SUMF1: variants seen among roughly 807,000 people sequenced by gnomAD.
SUMF1 encodes formylglycine-generating enzyme.
A neutral mutation model predicts 47.6 loss-of-function variants in SUMF1; 48 were observed. The observed-to-expected ratio is 1.01, with a 90% CI of 0.80 to 1.28. The LOEUF (loss-of-function observed/expected upper bound fraction) is 1.28. Among genes scored for constraint, SUMF1 ranks in the 50% most tolerant of loss-of-function variants. SUMF1 has a pLI of 0.00. For missense variants in SUMF1, 571 were observed against 485.4 expected, an observed-to-expected ratio of 1.18 and a Z score of -1.66; for synonymous variants, 230 against 192.1, an observed-to-expected ratio of 1.20 and a Z score of -1.63.
At chr3:4,300,469 T>A (rs1189836922) in intron 8 of SUMF1, among the ~76,000 whole-genome samples, 1 of 152,270 alleles carries the variant, frequency 6.6e-6, no homozygotes, top group African/African-American at 2.4e-5. Context: ...ATATCAGATG[T>A]GTACTGCAGT....
intron 8 of SUMF1, among the ~76,000 whole-genome samples, chr3:4,089,550 C>G (rs571426559): frequency 6.6e-6 from 1 of 152,178 alleles, no homozygotes; most frequent in South Asian, 2.1e-4. Flanking sequence ...TATCACAGAG[C>G]CTATCATATA....
intron 8 of SUMF1, among the ~76,000 whole-genome samples, chr3:4,364,507 T>C (rs1305572641): frequency 6.6e-6 from 1 of 150,544 alleles, no homozygotes; most frequent in African/African-American, 2.4e-5. Context: ...CTAGTTTATT[T>C]GTGTAGAGGT....
intron 8 of SUMF1, among the ~76,000 whole-genome samples, chr3:4,329,078 G>T (rs1485043300): frequency 6.6e-6 from 1 of 152,216 alleles, no homozygotes; most frequent in African/African-American, 2.4e-5. Context: ...ACATGGTCTT[G>T]GGCATCTCTG....
chr3:4,222,000 TA>T (rs1696076747), intron 8 of SUMF1, among the ~76,000 whole-genome samples: 1 of 152,000 alleles, frequency 6.6e-6, no homozygotes. Flanking sequence ...ATTTTCATTG[TA>T]AAAAAATTTA....
At chr3:4,287,233 A>G (rs1263509816) in intron 8 of SUMF1, among the ~76,000 whole-genome samples, 4 of 152,262 alleles carry the variant, frequency 2.6e-5, no homozygotes, top group Non-Finnish European at 5.9e-5. Context: ...ATTGTTAAGA[A>G]TATAAAGGGA....
At chr3:4,346,030 A>G (rs1386526286) in intron 8 of SUMF1, among the ~76,000 whole-genome samples, 1 of 151,734 alleles carries the variant, frequency 6.6e-6, no homozygotes, top group Non-Finnish European at 1.5e-5. Flanking sequence ...TCATAAAACA[A>G]ATTTTTAGAG....
intron 8 of SUMF1, among the ~76,000 whole-genome samples, chr3:4,353,410 G>A (rs1377353924): frequency 2.0e-5 from 3 of 152,046 alleles, no homozygotes; most frequent in East Asian, 1.9e-4. Flanking sequence ...CCGCCACCAC[G>A]CCCGGCTAAT....
At chr3:4,420,935 G>A (rs1701879547) in intron 3 of SUMF1, among the ~76,000 whole-genome samples, 2 of 152,132 alleles carry the variant, frequency 1.3e-5, no homozygotes, top group South Asian at 4.2e-4. Context: ...GGGTGACCCT[G>A]GGCAAGTTCA....
chr3:4,367,216 G>A (rs994133454), intron 8 of SUMF1, among the ~76,000 whole-genome samples: 2 of 152,196 alleles, frequency 1.3e-5, no homozygotes, highest in African/African-American at 2.4e-5. Context: ...CAGATCTCCA[G>A]CTGCGTGCTG....
intron 8 of SUMF1, among the ~76,000 whole-genome samples, chr3:4,130,611 A>G (rs570269191): frequency 7.2e-5 from 11 of 152,130 alleles, no homozygotes; most frequent in Non-Finnish European, 1.3e-4. Context: ...AATTCGGGGA[A>G]CTTCTACCTC....
chr3:4,255,225 G>A (rs1223045815), intron 8 of SUMF1, among the ~76,000 whole-genome samples: 1 of 131,026 alleles, frequency 7.6e-6, no homozygotes, highest in Non-Finnish European at 1.7e-5. Flanking sequence ...AAAATCACCA[G>A]CTAACATCAT....
At chr3:4,424,075 A>G (rs1701991753) in intron 3 of SUMF1, among the ~76,000 whole-genome samples, 1 of 152,206 alleles carries the variant, frequency 6.6e-6, no homozygotes, top group African/African-American at 2.4e-5. Flanking sequence ...ACAGCTTAAT[A>G]CAAAAATTAA....
At chr3:4,207,795 A>G (rs1695685540) in intron 8 of SUMF1, among the ~76,000 whole-genome samples, 1 of 152,176 alleles carries the variant, frequency 6.6e-6, no homozygotes, top group Admixed American at 6.5e-5. Flanking sequence ...GGAGATACAG[A>G]AAACCACAAC....
intron 8 of SUMF1, among the ~76,000 whole-genome samples, chr3:4,154,211 G>A (rs12632395): frequency 0.37 from 55,338 of 151,218 alleles, 10,940 homozygotes; most frequent in Admixed American, 0.45. Context: ...AGAACTGGCA[G>A]CATGGAGAAA....
chr3:4,118,414 G>A (rs191743291), intron 8 of SUMF1, among the ~76,000 whole-genome samples: 1 of 151,926 alleles, frequency 6.6e-6, no homozygotes, highest in East Asian at 1.9e-4. Context: ...GGAAATAAAA[G>A]AGAAAAAAAT....
chr3:4,101,519 G>T (rs1455424306), intron 8 of SUMF1, among the ~76,000 whole-genome samples: 1 of 152,094 alleles, frequency 6.6e-6, no homozygotes, highest in Non-Finnish European at 1.5e-5. Context: ...AAAGGTGAGA[G>T]CTTGGTCAAC....
intron 8 of SUMF1, among the ~76,000 whole-genome samples, chr3:4,155,224 G>T (rs117946117): frequency 6.6e-6 from 1 of 151,546 alleles, no homozygotes; most frequent in Non-Finnish European, 1.5e-5. Flanking sequence ...ACTGTGCTTA[G>T]GTTCATGTGC....
intron 8 of SUMF1, among the ~76,000 whole-genome samples, chr3:4,211,100 TCCC>T (rs1406925231): frequency 2.2e-5 from 1 of 44,806 alleles, no homozygotes; most frequent in Non-Finnish European, 4.6e-5. Context: ...CTTAATAAAC[TCCC>T]ATATATATAT....
intron 8 of SUMF1, among the ~76,000 whole-genome samples, chr3:4,353,292 G>T (rs557409777): frequency 1.3e-5 from 2 of 152,020 alleles, no homozygotes; most frequent in Admixed American, 6.6e-5. Flanking sequence ...TCACTCTGTC[G>T]CCCAGGCTGG....
Sources: allele counts gnomAD v4.1 joint callset (sites outside exome capture counted in the v4.1 genomes callset), GRCh38; gene constraint gnomAD v4.1.1; transcripts MANE v1.5; gene names NCBI Gene and HGNC (gene_info 2026-07-23, HGNC 2026-07-21).